Variants in RAF1 observed in about 807,000 individuals in gnomAD.
RAF1 encodes RAF proto-oncogene serine/threonine-protein kinase.
RAF1 carries 27 observed loss-of-function variants against 81.1 expected under a neutral mutation model. That is an observed-to-expected ratio of 0.33 (90% confidence interval 0.25 to 0.46). The LOEUF is 0.46. Ranked by LOEUF, RAF1 falls within the 20% of genes least tolerant of loss-of-function variation. The pLI is 1.00. For synonymous variants in RAF1, 298 were observed against 294.0 expected (o/e 1.01, Z -0.14); for missense variants, 598 against 826.0 (o/e 0.72, Z 3.38).
At chr3:12,639,251 C>T (rs1404291445) in intron 1 of RAF1, among the ~76,000 whole-genome samples, 2 of 152,058 alleles carry the variant, frequency 1.3e-5, no homozygotes, top group Non-Finnish European at 2.9e-5. Flanking sequence ...TATGACAAAC[C>T]CACAGCCAAT....
chr3:12,589,847 A>G (rs1025853319), intron 13 of RAF1: 1 of 150,676 alleles, frequency 6.6e-6, no homozygotes, highest in Non-Finnish European at 1.5e-5. Context: ...CTAGAGTGCA[A>G]TGGCACAATC....
chr3:12,640,139 A>G (rs1281431271), intron 1 of RAF1, among the ~76,000 whole-genome samples: 1 of 152,198 alleles, frequency 6.6e-6, no homozygotes, highest in Non-Finnish European at 1.5e-5. Flanking sequence ...TATTTAATAA[A>G]TGGTGCTGGG....
At chr3:12,653,494 T>C (rs2060595868) in intron 1 of RAF1, among the ~76,000 whole-genome samples, 1 of 152,068 alleles carries the variant, frequency 6.6e-6, no homozygotes. Context: ...TCCTGTCATC[T>C]TAGCACTTTG....
intron 1 of RAF1, among the ~76,000 whole-genome samples, chr3:12,661,345 CT>C (rs1272288505): frequency 6.6e-6 from 1 of 152,148 alleles, no homozygotes; most frequent in African/African-American, 2.4e-5. Context: ...ACATTCTACA[CT>C]TTTTTTGATG....
At chr3:12,661,184 T>C (rs2060865479) in intron 1 of RAF1, among the ~76,000 whole-genome samples, 1 of 152,196 alleles carries the variant, frequency 6.6e-6, no homozygotes, top group South Asian at 2.1e-4. Context: ...AATTCCATAA[T>C]AGTCACTTTA....
intron 2 of RAF1, among the ~76,000 whole-genome samples, chr3:12,614,671 C>A (rs911322423): frequency 1.4e-5 from 2 of 141,574 alleles, no homozygotes; most frequent in Admixed American, 7.4e-5. Context: ...AGCAATCCTT[C>A]CACCTCAGCC....
At position 12,587,610 on chromosome 3, in the gene RAF1, A is replaced by G. The variant is rs766561173; in HGVS notation, c.1458T>C (p.His486=). ...GGATACTGTTGGATTTCATGTCTCTATGGATGATGTTCTTTGCATGCAAAT... is the reference window on the plus strand; with the variant it reads ...GGATACTGTTGGATTTCATGTCTCTGTGGATGATGTTCTTTGCATGCAAAT... The change falls in exon 14 of 18, where the codon CAT becomes CAC. Residue 486 remains histidine, a synonymous_variant. Coordinates refer to ENST00000442415, the MANE Select transcript of RAF1 (RefSeq NM_001354689.3). The G allele has an allele frequency of 2.2e-5, 36 of 1,610,258 alleles. No homozygotes were observed. Among genetic ancestry groups the G allele is most frequent in the Middle Eastern group, 1.6e-4 (1 of 6,078 alleles).
At position 12,618,648 on chromosome 3, in the gene RAF1, G is replaced by T; in HGVS notation, c.74C>A (p.Ser25Tyr). 1 of 1,614,206 alleles carries T rather than the reference G, an allele frequency of 6.2e-7. No individual in the cohort carries two copies. The highest frequency in any genetic ancestry group is 8.5e-7 in the Non-Finnish European group (1 of 1,180,042). Residue 25 changes from serine to tyrosine, a missense_variant, in exon 2 of 18, where the codon TCC becomes TAC. Physicochemically the swap from Ser to Tyr is moderately radical, Grantham distance 144. Transcript: ENST00000442415. ...AACTATTGTAGGAGAGATGCAGCTG[G>T]AGCCATCAAACACGGCATCTTTGAA...
At chr3:12,586,701 T>A (rs1439152569) in intron 14 of RAF1, 1 of 152,170 alleles carries the variant, frequency 6.6e-6, no homozygotes, top group East Asian at 1.9e-4. Flanking sequence ...GGTGGCAGAT[T>A]CAAAATTGTT....
intron 11 of RAF1, among the ~76,000 whole-genome samples, chr3:12,595,121 G>C (rs1273280222): frequency 2.0e-5 from 3 of 152,160 alleles, no homozygotes; most frequent in African/African-American, 7.2e-5. Flanking sequence ...AGGCTGGAGT[G>C]CAGCAGCACC....
intron 1 of RAF1, among the ~76,000 whole-genome samples, chr3:12,623,653 G>T (rs2059614285): frequency 6.6e-6 from 1 of 151,798 alleles, no homozygotes. Flanking sequence ...AATTAGCCGG[G>T]CGTGGTGGTG....
intron 1 of RAF1, among the ~76,000 whole-genome samples, chr3:12,654,924 C>A (rs2060638513): frequency 6.6e-6 from 1 of 150,684 alleles, no homozygotes; most frequent in Non-Finnish European, 1.5e-5. Flanking sequence ...GCCTGTAATC[C>A]CAGTACTTTA....
rs575561516 is a variant in RAF1 at position 12,614,778 on chromosome 3, G to A, written c.208-2716C>T. Among the ~76,000 whole-genome samples, 8 of 152,102 alleles carry A rather than the reference G, an allele frequency of 5.3e-5. No homozygotes were observed. The East Asian group carries it at 5.8e-4, about 11-fold the overall frequency. ...AAGTTTATTTTAAAAGTTTCTTGAC[G>A]CAGTGATACCCACCAACTTCCAGCT... On this transcript the variant is annotated intron_variant, in intron 2 of 17. Coordinates refer to ENST00000442415, the MANE Select transcript of RAF1 (RefSeq NM_001354689.3).
chr3:12,587,046 G>C (rs2058353860), intron 14 of RAF1: 1 of 153,252 alleles, frequency 6.5e-6, no homozygotes, highest in Admixed American at 6.5e-5. Flanking sequence ...GGCCAGGCAA[G>C]TCTCAAACTC....
intron 1 of RAF1, among the ~76,000 whole-genome samples, chr3:12,662,166 C>G (rs2060898983): frequency 7.4e-6 from 1 of 135,140 alleles, no homozygotes; most frequent in Non-Finnish European, 1.6e-5. Context: ...CAGACTCCAT[C>G]TCTACTATTT....
intron 1 of RAF1, among the ~76,000 whole-genome samples, chr3:12,643,375 T>C (rs1183510428): frequency 6.7e-6 from 1 of 149,872 alleles, no homozygotes; most frequent in Non-Finnish European, 1.5e-5. Flanking sequence ...TATGCAAACA[T>C]GTTAAGGATC....
intron 1 of RAF1, among the ~76,000 whole-genome samples, chr3:12,661,169 C>T (rs2060864996): frequency 6.6e-6 from 1 of 152,154 alleles, no homozygotes; most frequent in Admixed American, 6.6e-5. Flanking sequence ...CAACTGAAGT[C>T]TGTTAATTCC....
In RAF1 at chr3:12,654,459, G is replaced by A. The variant is rs573109818; in HGVS notation, c.-27+9354C>T. On this transcript the variant is annotated intron_variant, in intron 1 of 17. Coordinates refer to ENST00000442415, the MANE Select transcript of RAF1 (RefSeq NM_001354689.3). ...TCTACAAAAAATACAAAAATTAGCT[G>A]AGTGTGGTGGCACACACCTGTAGTC... 2.0e-5 allele frequency among the ~76,000 whole-genome samples: 3 copies of A among 151,892 alleles called. No homozygotes were observed. The East Asian group carries it at 6.1e-4, about 31-fold the overall frequency.
intron 3 of RAF1, among the ~76,000 whole-genome samples, chr3:12,610,922 C>A (rs1237806811): frequency 6.6e-6 from 1 of 152,046 alleles, no homozygotes; most frequent in Non-Finnish European, 1.5e-5. Context: ...ATAGGATAAA[C>A]CATGAATCTT....
Sources: gnomAD v4.1 joint callset for allele counts (sites outside exome capture counted in the v4.1 genomes callset) on GRCh38, gnomAD v4.1.1 for gene constraint, MANE v1.5 for transcripts, NCBI Gene and HGNC (gene_info 2026-07-23, HGNC 2026-07-21) for gene names.